The following WDFY4 variants were observed in gnomAD, a reference collection of about 807,000 sequenced individuals.
WDFY4 encodes the protein WDFY family member 4.
In WDFY4, 169 loss-of-function variants were observed where a neutral mutation model predicts 351.9. That is an observed-to-expected ratio of 0.48 (90% confidence interval 0.42 to 0.55). The LOEUF (loss-of-function observed/expected upper bound fraction) is 0.55, where lower values mean the gene tolerates loss of function less well. Ranked by LOEUF, WDFY4 falls within the 20% of genes least tolerant of loss-of-function variation. The pLI, the probability that WDFY4 is intolerant of heterozygous loss-of-function variation, is 0.00. For synonymous variants in WDFY4, 1,622 were observed against 1,574.6 expected (o/e 1.03, Z -0.71); for missense variants, 3,803 against 3,935.6 (o/e 0.97, Z 0.90).
intron 32 of WDFY4, among the ~76,000 whole-genome samples, chr10:48,819,283 T>C (rs2067729656): frequency 3.9e-5 from 6 of 152,222 alleles, no homozygotes; most frequent in Admixed American, 3.3e-4. Context: ...CCAAGGCCTT[T>C]GTTGTATAGA....
chr10:48,723,734 C>A (rs1236953868), intron 5 of WDFY4, among the ~76,000 whole-genome samples, 167 bp downstream of exon 5: 2 of 152,152 alleles, frequency 1.3e-5, no homozygotes, highest in Non-Finnish European at 2.9e-5. Context: ...ACTGCACAGT[C>A]TGCCCCACTA....
chr10:48,705,253 T>C (rs888480051), intron 1 of WDFY4, among the ~76,000 whole-genome samples: 1 of 152,228 alleles, frequency 6.6e-6, no homozygotes, highest in Admixed American at 6.5e-5. Context: ...TTATTTAAAA[T>C]TTTGTTCATC....
At position 48,720,423 on chromosome 10, in the gene WDFY4, A is replaced by G. The variant is rs1425281814; in HGVS notation, c.349+298A>G. On this transcript the variant is annotated intron_variant, in intron 3 of 61. Coordinates refer to ENST00000325239, the MANE Select transcript of WDFY4 (RefSeq NM_001394531.1). ...CACACTACACACAGATGCTATACAC[A>G]CACAGACACTACACACAGACATTAT... 4.6e-5 allele frequency among the ~76,000 whole-genome samples: 7 copies of G among 152,034 alleles called. No individual in the cohort carries two copies. The South Asian group carries it at 1.2e-3, about 27-fold the overall frequency.
intron 10 of WDFY4, 30 bp downstream of exon 10, chr10:48,734,065 C>T (rs1415983670): frequency 2.0e-6 from 3 of 1,532,988 alleles, no homozygotes; most frequent in African/African-American, 1.4e-5. Context: ...TGCCTCATCA[C>T]TGCTTGGTAA....
At chr10:48,974,517 A>AAAAAAAAAAAAAAAAAAC (rs1842468169) in intron 57 of WDFY4, among the ~76,000 whole-genome samples, 1 of 24,680 alleles carries the variant, frequency 4.1e-5, no homozygotes, top group Non-Finnish European at 2.5e-4. Context: ...AAAAAAAAAA[A>AAAAAAAAAAAAAAAAAAC]AAAAAAAAAA....
At chr10:48,811,183 G>C (rs2067432338) in intron 29 of WDFY4, among the ~76,000 whole-genome samples, 1 of 152,170 alleles carries the variant, frequency 6.6e-6, no homozygotes, top group Non-Finnish European at 1.5e-5. Flanking sequence ...AATTATTTGA[G>C]TATTTAATTG....
At chr10:48,719,128 CA>C (rs1333591771) in intron 2 of WDFY4, among the ~76,000 whole-genome samples, 2 of 152,038 alleles carry the variant, frequency 1.3e-5, no homozygotes, top group African/African-American at 4.8e-5. Flanking sequence ...ATAGCAAAAC[CA>C]AACAATAACA....
intron 39 of WDFY4, among the ~76,000 whole-genome samples, chr10:48,864,470 C>T (rs2069468047): frequency 6.6e-6 from 1 of 152,164 alleles, no homozygotes; most frequent in African/African-American, 2.4e-5. Context: ...GCTGCACTGC[C>T]TTGTTTGCCA....
At chr10:48,800,426 G>A (rs1484425995) in intron 24 of WDFY4, among the ~76,000 whole-genome samples, 1 of 152,120 alleles carries the variant, frequency 6.6e-6, no homozygotes, top group Non-Finnish European at 1.5e-5. Flanking sequence ...ATTGAGAAGG[G>A]AATGGACAGG....
In WDFY4 at chr10:48,789,738, T is replaced by C. The variant is rs116959815; in HGVS notation, c.3955-136T>C. 5.2e-4 allele frequency: 384 copies of C among 744,002 alleles called. 2 individuals are homozygous for C. In the East Asian group the frequency reaches 9.7e-3, roughly 19 times the overall value. 46.1% of individuals were successfully genotyped at this position (744,002 alleles called of 1,614,324 possible). On this transcript the variant is annotated intron_variant, in intron 21 of 61. Coordinates refer to ENST00000325239, the MANE Select transcript of WDFY4 (RefSeq NM_001394531.1). ...AATCCCCTGACATTGGTTCAATTGCTATTCATTCCATGATCATTGCTGATG... is the reference window on the plus strand; with the variant it reads ...AATCCCCTGACATTGGTTCAATTGCCATTCATTCCATGATCATTGCTGATG...
At position 48,700,834 on chromosome 10, in the gene WDFY4, G is replaced by A. The variant is rs970326490; in HGVS notation, c.-17-8882G>A. Reference sequence around the variant, plus strand: ...ATGATTTTATCGTGGTCATTAAACTGGATGAATTATTTTCTCTTCCTTTAT... The same window carrying A: ...ATGATTTTATCGTGGTCATTAAACTAGATGAATTATTTTCTCTTCCTTTAT... On this transcript the variant is annotated intron_variant, in intron 1 of 61. Transcript: ENST00000325239. 2.0e-5 allele frequency among the ~76,000 whole-genome samples: 3 copies of A among 152,132 alleles called. No individual in the cohort carries two copies. The East Asian group carries it at 5.8e-4, about 29-fold the overall frequency.
At chr10:48,706,809 A>G (rs2063643539) in intron 1 of WDFY4, among the ~76,000 whole-genome samples, 1 of 152,232 alleles carries the variant, frequency 6.6e-6, no homozygotes, top group African/African-American at 2.4e-5. Context: ...GTATTTTTTT[A>G]TAGTACTGAA....
intron 1 of WDFY4, among the ~76,000 whole-genome samples, chr10:48,694,824 C>A: frequency 6.6e-6 from 1 of 152,134 alleles, no homozygotes; most frequent in East Asian, 1.9e-4. Context: ...CTTCAGTGTC[C>A]ACCACTGGCA....
At chr10:48,764,144 A>G (rs1373917402) in intron 13 of WDFY4, among the ~76,000 whole-genome samples, 4 of 152,202 alleles carry the variant, frequency 2.6e-5, no homozygotes, top group Non-Finnish European at 5.9e-5. Context: ...TGGATGAGAA[A>G]CTGATGGCTT....
chr10:48,856,203 C>G (rs1029354205), intron 39 of WDFY4, among the ~76,000 whole-genome samples: 5 of 152,060 alleles, frequency 3.3e-5, no homozygotes, highest in African/African-American at 1.2e-4. Context: ...TGAAGAATAT[C>G]TGACTTCCCA....
chr10:48,852,840 G>C (rs1019050999), intron 39 of WDFY4, among the ~76,000 whole-genome samples: 1 of 152,098 alleles, frequency 6.6e-6, no homozygotes, highest in African/African-American at 2.4e-5. Flanking sequence ...GTTCCTTTCT[G>C]TTTCGTTTGC....
chr10:48,775,662 C>G, intron 14 of WDFY4, 50 bp from the exon 15 acceptor site: 1 of 1,505,124 alleles, frequency 6.6e-7, no homozygotes. Flanking sequence ...TTGGAGAACA[C>G]TGTTGCTAGT....
chr10:48,856,708 G>A (rs1457748092), intron 39 of WDFY4, among the ~76,000 whole-genome samples: 1 of 152,106 alleles, frequency 6.6e-6, no homozygotes, highest in East Asian at 1.9e-4. Context: ...TGCACTTTGA[G>A]TGACTATTTT....
intron 59 of WDFY4, among the ~76,000 whole-genome samples, chr10:48,977,437 C>T (rs1842621260): frequency 6.6e-6 from 1 of 150,898 alleles, no homozygotes; most frequent in East Asian, 1.9e-4. Flanking sequence ...ATCCATCCAT[C>T]CATCCATCCA....
Sources: gnomAD v4.1 joint callset for allele counts (sites outside exome capture counted in the v4.1 genomes callset) on GRCh38, gnomAD v4.1.1 for gene constraint, MANE v1.5 for transcripts, NCBI Gene and HGNC (gene_info 2026-07-23, HGNC 2026-07-21) for gene names.